The following SLMAP variants were observed in gnomAD, a reference collection of about 807,000 sequenced individuals.
SLMAP encodes sarcolemma associated protein, also known as sarcolemmal membrane-associated protein.
Under a neutral mutation model 128.8 loss-of-function variants are expected in SLMAP, and 44 were observed. The ratio of observed to expected loss-of-function variants is 0.34; its 90% CI spans 0.27 to 0.44. The LOEUF is 0.44. Ranked by LOEUF, SLMAP falls within the 20% of genes least tolerant of loss-of-function variation. The pLI, the probability that SLMAP is intolerant of heterozygous loss-of-function variation, is 1.00. For missense variants in SLMAP, 787 were observed against 985.3 expected (o/e 0.80, Z 2.69); for synonymous variants, 327 against 348.8 (o/e 0.94, Z 0.70).
chr3:57,858,207 G>C (rs2094882722), intron 8 of SLMAP, 48 bp downstream of exon 8: 2 of 1,006,676 alleles, frequency 2.0e-6, no homozygotes, highest in South Asian at 2.6e-5. Flanking sequence ...AGTTTTTTAT[G>C]TAACATCATT....
At chr3:57,899,678 G>C (rs1012696079) in intron 17 of SLMAP, 2 of 152,054 alleles carry the variant, frequency 1.3e-5, no homozygotes, top group Non-Finnish European at 2.9e-5. Context: ...TTCCCAAGTA[G>C]CTGGGACTAC....
chr3:57,917,083 G>A lies in SLMAP; in HGVS notation c.2310+6G>A. 2 of 1,613,652 alleles carry A rather than the reference G, an allele frequency of 1.2e-6. No homozygotes were observed. The highest frequency in any genetic ancestry group is 1.7e-6 in the Non-Finnish European group (2 of 1,179,768). The stretch of plus-strand genomic sequence containing the variant: ...CAAAGGATGTGCAGAAAGAGGTAAA[G>A]CGAAAAGACATTATGAGCCCAATTA... On this transcript the variant is annotated splice_donor_region_variant and intron_variant, in intron 22 of 24. Coordinates refer to ENST00000671191, the MANE Select transcript of SLMAP (RefSeq NM_001377540.1).
At chr3:57,895,303 T>G (rs1366817693) in intron 15 of SLMAP, among the ~76,000 whole-genome samples, 1 of 152,066 alleles carries the variant, frequency 6.6e-6, no homozygotes, top group African/African-American at 2.4e-5. Context: ...GCAGAAGACC[T>G]CTTGTAAACA....
At chr3:57,779,573 G>A (rs965655206) in intron 2 of SLMAP, among the ~76,000 whole-genome samples, 3 of 151,316 alleles carry the variant, frequency 2.0e-5, no homozygotes, top group African/African-American at 7.3e-5. Context: ...TGATATATCT[G>A]TTTTGCTATA....
At chr3:57,841,604 T>G (rs1341355772) in intron 4 of SLMAP, among the ~76,000 whole-genome samples, 1 of 152,186 alleles carries the variant, frequency 6.6e-6, no homozygotes, top group African/African-American at 2.4e-5. Flanking sequence ...ATTATTTTGT[T>G]TCCAAATTTA....
Position 57,805,587 on chromosome 3 carries a change from A to G in SLMAP, c.199-25796A>G, listed in dbSNP as rs530904601. On this transcript the variant is annotated intron_variant, in intron 2 of 24. Transcript: ENST00000671191. ...TCAGGGCCTTATTATTTATTTCAGT[A>G]GCCTCTTAACTGGTCTCCAACTCTT... 5.9e-5 allele frequency among the ~76,000 whole-genome samples: 9 copies of G among 152,294 alleles called. No homozygotes were observed. The South Asian group carries it at 1.9e-3, about 32-fold the overall frequency.
intron 5 of SLMAP, among the ~76,000 whole-genome samples, chr3:57,848,363 C>T (rs2094355995): frequency 6.7e-6 from 1 of 150,188 alleles, no homozygotes; most frequent in African/African-American, 2.4e-5. Context: ...TTTCTTCTTT[C>T]TTCCTCCTTC....
rs764183885 is a variant in SLMAP, at chr3:57,896,888, A to T, written c.1457A>T (p.Glu486Val). ...SDDTTDAQMD[E>V]QDLNEPLAKV... ...CTCTCTGTAGACGCCCAAATGGATG[A>T]GCAAGACCTAAATGAGCCTCTTGCC... Residue 486 changes from glutamate (E) to valine (V), a missense_variant, in exon 17 of 25, where the codon GAG becomes GTG. Physicochemically the swap from Glu to Val is moderately radical, Grantham distance 121 (BLOSUM62 -2). Around this residue, in one of 2 missense-constraint regions of SLMAP, gnomAD observed 715 missense variants for 843.6 expected, o/e 0.85. Transcript: ENST00000671191. 4.3e-6 allele frequency: 7 copies of T among 1,610,210 alleles called. No individual in the cohort carries two copies. The Admixed American group carries it at 1.2e-4, about 27-fold the overall frequency.
chr3:57,791,040 A>G (rs560492373), intron 2 of SLMAP, among the ~76,000 whole-genome samples: 2 of 152,248 alleles, frequency 1.3e-5, no homozygotes, highest in South Asian at 4.2e-4. Context: ...TTAGCCCAGT[A>G]TAAATATAGC....
In SLMAP at chr3:57,896,507, G is replaced by A. The variant is rs768269971; in HGVS notation, c.1361-4G>A. ...AGATTTTACTTTTATTTTTTTCTTG[G>A]TAGAAAATCAGACAAGAGCAAAAGA... is the stretch of plus-strand genomic sequence containing the variant. On this transcript the variant is annotated splice_polypyrimidine_tract_variant and splice_region_variant and intron_variant, in intron 15 of 24. Transcript: ENST00000671191. 2.5e-6 allele frequency: 4 copies of A among 1,590,822 alleles called. No homozygotes were observed. Among genetic ancestry groups the A allele is most frequent in the Non-Finnish European group, 3.4e-6 (4 of 1,172,422 alleles).
Position 57,917,031 on chromosome 3 carries a change from C to A in SLMAP, c.2264C>A (p.Thr755Asn), listed in dbSNP as rs2096826847. 6.2e-7 allele frequency: 1 copy of A among 1,613,830 alleles called. No individual in the cohort carries two copies. Residue 755 changes from threonine to asparagine, a missense_variant, in exon 22 of 25, where the codon ACT (threonine) becomes AAT (asparagine). By Grantham distance (65) the Thr-to-Asn change is moderately conservative (BLOSUM62 0). Around this residue, in one of 2 missense-constraint regions of SLMAP, gnomAD observed 715 missense variants for 843.6 expected, o/e 0.85. Coordinates refer to ENST00000671191, the MANE Select transcript of SLMAP (RefSeq NM_001377540.1). The stretch of plus-strand genomic sequence containing the variant: ...CTTCGGGATTCAGCTGATTTAAAAA[C>A]TCTTCTCAGTAAGGCAGAAAACCAA... ...QHLRDSADLKTLLSKAENQAK... is the reference protein window; with the variant it reads ...QHLRDSADLKNLLSKAENQAK...
chr3:57,807,690 G>A (rs2090159125), intron 2 of SLMAP, among the ~76,000 whole-genome samples: 1 of 152,288 alleles, frequency 6.6e-6, no homozygotes, highest in Middle Eastern at 3.4e-3. Context: ...GATTCGGTTT[G>A]CCAGTATTTT....
In SLMAP at chr3:57,787,546, C is replaced by T. The variant is rs567294373; in HGVS notation, c.198+29697C>T. 5.5e-4 allele frequency among the ~76,000 whole-genome samples: 83 copies of T among 152,244 alleles called. No homozygotes were observed. In the South Asian group the frequency reaches 0.012, roughly 22 times the overall value. ...GGCTGGAATGCAGTGGCGCAATCTC[C>T]GCTCACTGCAACCTCTGCCTCTCGG... On this transcript the variant is annotated intron_variant, in intron 2 of 24. Transcript: ENST00000671191.
At chr3:57,906,300 C>CTTTTTTTTTTTTTTTTTTTTTTTTTT (rs112949836) in intron 17 of SLMAP, among the ~76,000 whole-genome samples, 2 of 71,290 alleles carry the variant, frequency 2.8e-5, no homozygotes, top group African/African-American at 4.8e-5. Flanking sequence ...AAATTTTTTT[C>CTTTTTTTTTTTTTTTTTTTTTTTTTT]TTTTTTTTTC....
chr3:57,907,853 C>G, intron 17 of SLMAP, 31 bp from the exon 18 acceptor site: 2 of 1,606,942 alleles, frequency 1.2e-6, no homozygotes, highest in African/African-American at 2.7e-5. Flanking sequence ...GATACTAACT[C>G]TTGCTTTTAA....
intron 3 of SLMAP, among the ~76,000 whole-genome samples, 200 bp from the exon 4 acceptor site, chr3:57,841,099 C>G (rs529965432): frequency 6.6e-6 from 1 of 152,102 alleles, no homozygotes; most frequent in Admixed American, 6.6e-5. Context: ...ATGATTCTAT[C>G]CTTATTTCTA....
At chr3:57,898,380 C>A (rs571519249) in intron 17 of SLMAP, 1 of 152,226 alleles carries the variant, frequency 6.6e-6, no homozygotes, top group South Asian at 2.1e-4. Context: ...GAGTAATGAA[C>A]ACACCCATAC....
At chr3:57,862,327 A>G (rs567845015) in intron 10 of SLMAP, among the ~76,000 whole-genome samples, 5 of 150,778 alleles carry the variant, frequency 3.3e-5, no homozygotes, top group African/African-American at 1.2e-4. Context: ...CAAAGGAAAA[A>G]CAAACAAACA....
rs374713433 is a variant in SLMAP at position 57,895,465 on chromosome 3, G to A, written c.1361-1046G>A. ...ATTCTCTGCCTCAGCCTCCCGAGTAGCTGGGATTACAGGTGCCCAGCACCA... is the reference window on the plus strand; with the variant it reads ...ATTCTCTGCCTCAGCCTCCCGAGTAACTGGGATTACAGGTGCCCAGCACCA... On this transcript the variant is annotated intron_variant, in intron 15 of 24. Coordinates refer to ENST00000671191, the MANE Select transcript of SLMAP (RefSeq NM_001377540.1). Among the ~76,000 whole-genome samples, 26 of 152,112 alleles carry A rather than the reference G, an allele frequency of 1.7e-4. No individual in the cohort carries two copies. In the South Asian group the frequency reaches 4.6e-3, roughly 27 times the overall value.
Sources: gnomAD v4.1 joint callset for allele counts (sites outside exome capture counted in the v4.1 genomes callset) on GRCh38, gnomAD v4.1.1 for gene constraint, gnomAD v4.1.1 regional missense constraint, MANE v1.5 for transcripts, NCBI Gene and HGNC (gene_info 2026-07-23, HGNC 2026-07-21) for gene names.